DMXL2: variants seen among roughly 807,000 people sequenced by gnomAD.
DMXL2 encodes dmX-like protein 2.
DMXL2 carries 103 observed loss-of-function variants against 331.1 expected under a neutral mutation model. The ratio of observed to expected loss-of-function variants is 0.31; its 90% confidence interval spans 0.27 to 0.37. The LOEUF (loss-of-function observed/expected upper bound fraction) is 0.37, where lower values mean the gene tolerates loss of function less well. DMXL2 is among the 10% of genes least tolerant of loss of function. DMXL2 has a pLI of 1.00. For missense variants in DMXL2, 3,171 were observed against 3,642.9 expected, an observed-to-expected ratio of 0.87 and a Z score of 3.33; for synonymous variants, 1,281 against 1,252.1, an observed-to-expected ratio of 1.02 and a Z score of -0.49.
At chr15:51,582,989 T>C (rs923145318) in intron 1 of DMXL2, among the ~76,000 whole-genome samples, 1 of 152,012 alleles carries the variant, frequency 6.6e-6, no homozygotes, top group Non-Finnish European at 1.5e-5. Context: ...TTTATATATC[T>C]TCTTTTAACA....
Position 51,459,658 on chromosome 15 carries a change from A to G in DMXL2, c.7929T>C (p.Ser2643=). ...IFTKKRKQSE[S]IEEHVEQVNQ... ...TGACCTGCTCCACATGTTCTTCTAT[A>G]GACTAAATACCACCACACCGTCACA... The change falls in exon 34 of 44, where the codon TCT becomes TCC. Residue 2643 remains serine, a splice_region_variant and synonymous_variant. Coordinates refer to ENST00000560891, the MANE Select transcript of DMXL2 (RefSeq NM_001378457.1). 1.6e-6 allele frequency: 2 copies of G among 1,289,806 alleles called. No homozygotes were observed. The highest frequency in any genetic ancestry group is 2.5e-5 in the South Asian group (2 of 81,034). 79.9% of individuals were successfully genotyped at this position (1,289,806 alleles called of 1,614,324 possible).
At chr15:51,457,019 A>G (rs2039682636) in intron 37 of DMXL2, among the ~76,000 whole-genome samples, 1 of 152,128 alleles carries the variant, frequency 6.6e-6, no homozygotes, top group Non-Finnish European at 1.5e-5. Context: ...AAAAAATACA[A>G]AAATTAGCCA....
chr15:51,517,550 A>T (rs1156963905), intron 13 of DMXL2, among the ~76,000 whole-genome samples: 4 of 152,128 alleles, frequency 2.6e-5, no homozygotes, highest in African/African-American at 9.7e-5. Flanking sequence ...AAGAAGTGGG[A>T]CTCTTGTGCC....
chr15:51,455,061 G>C, intron 40 of DMXL2, 90 bp downstream of exon 40: 1 of 1,041,878 alleles, frequency 9.6e-7, no homozygotes, highest in Admixed American at 1.8e-5. Context: ...TTTCCCAATA[G>C]GACCACCAAT....
intron 11 of DMXL2, 125 bp downstream of exon 11, chr15:51,537,363 C>G: frequency 1.2e-6 from 1 of 839,216 alleles, no homozygotes; most frequent in Non-Finnish European, 1.8e-6. Flanking sequence ...AAGAAGTATT[C>G]TTTACTCAGA....
At chr15:51,549,085 T>G (rs915289474) in intron 6 of DMXL2, among the ~76,000 whole-genome samples, 5 of 152,072 alleles carry the variant, frequency 3.3e-5, no homozygotes, top group African/African-American at 4.8e-5. Flanking sequence ...CTGTACCCAA[T>G]TTGTAGTCTT....
intron 19 of DMXL2, among the ~76,000 whole-genome samples, chr15:51,493,724 A>G (rs1329717756): frequency 6.6e-6 from 1 of 152,192 alleles, no homozygotes; most frequent in East Asian, 1.9e-4. Flanking sequence ...AGACTGCCCT[A>G]GGAAATGTAC....
chr15:51,449,066 G>A lies in DMXL2; in HGVS notation c.9095C>T (p.Ser3032Phe), dbSNP rs2038906006. 1 of 1,614,188 alleles carries A rather than the reference G, an allele frequency of 6.2e-7. No homozygotes were observed. The stretch of plus-strand genomic sequence containing the variant: ...TTTCAGCGTGCCATCTGCACCACAG[G>A]AGAAGAGCCGATTGCCCTGGATGAT... The part of the protein sequence containing the change: ...IDIIQGNRLF[S>F]CGADGTLKTR... Residue 3032 changes from serine to phenylalanine, a missense_variant, in exon 44 of 44, where the codon TCC (serine) becomes TTC (phenylalanine). Around this residue, in one of 7 missense-constraint regions of DMXL2, gnomAD observed 766 missense variants for 940.5 expected, o/e 0.81. Transcript: ENST00000560891.
rs764104999 is a variant in DMXL2, at chr15:51,517,063, C to T, written c.2526+15G>A. On this transcript the variant is annotated intron_variant, in intron 14 of 43. Transcript: ENST00000560891. ...AAAGTATACGAATATCACCAATTCA[C>T]AAGCATGTTTTTACTTGGTTGGTTA... The T allele has an allele frequency of 1.1e-5, 17 of 1,604,756 alleles. No homozygotes were observed. The Admixed American group carries it at 1.7e-4, about 16-fold the overall frequency.
At chr15:51,536,936 T>C (rs2048321463) in intron 11 of DMXL2, 74 bp from the exon 12 acceptor site, 1 of 1,260,424 alleles carries the variant, frequency 7.9e-7, no homozygotes, top group East Asian at 2.4e-5. Context: ...ATTCTCAAAA[T>C]ACCAAATCTC....
chr15:51,608,921 G>A (rs995373603), intron 1 of DMXL2, among the ~76,000 whole-genome samples: 1 of 152,154 alleles, frequency 6.6e-6, no homozygotes, highest in Non-Finnish European at 1.5e-5. Flanking sequence ...TAACATATGG[G>A]TAAATCTAAG....
rs1285543384 is a variant in DMXL2, at chr15:51,502,910, T to C, written c.2888A>G (p.Asn963Ser). The C allele has an allele frequency of 5.0e-6, 8 of 1,614,128 alleles. No homozygotes were observed. Among genetic ancestry groups the C allele is most frequent in the Admixed American group, 1.7e-5 (1 of 60,022 alleles). Reference sequence around the variant, plus strand: ...AATAAGTTTACTGGCAGTTTGAAGATTGGCAATTGATGAAGAATGTGGCAT... The same window carrying C: ...AATAAGTTTACTGGCAGTTTGAAGACTGGCAATTGATGAAGAATGTGGCAT... ...SPMPHSSSIA[N>S]LQTASKLILS... is the part of the protein sequence containing the mutation. Residue 963 changes from asparagine to serine, a missense_variant, in exon 17 of 44, where the codon AAT (asparagine) becomes AGT (serine). Physicochemically the swap from Asn to Ser is conservative, Grantham distance 46. Transcript: ENST00000560891.
chr15:51,480,851 A>G lies in DMXL2; in HGVS notation c.6255T>C (p.His2085=). 6.2e-7 allele frequency: 1 copy of G among 1,613,066 alleles called. No individual in the cohort carries two copies. Among genetic ancestry groups the G allele is most frequent in the South Asian group, 1.1e-5 (1 of 90,878 alleles). Residue 2085 remains histidine, a synonymous_variant, in exon 24 of 44, where the codon CAT becomes CAC. Transcript: ENST00000560891. ...NWLEKEIAAL[H]EICNHESVIK... is the part of the protein sequence containing the mutation. ...TAACTGATTCATGATTACATATCTC[A>G]TGCAAGGCAGCAATTTCCTTTTCAA... is the stretch of plus-strand genomic sequence containing the variant.
chr15:51,516,516 C>T (rs900362398), intron 14 of DMXL2, among the ~76,000 whole-genome samples: 12 of 152,218 alleles, frequency 7.9e-5, no homozygotes, highest in African/African-American at 2.7e-4. Flanking sequence ...CACAACCCGA[C>T]CCTTCTATGC....
chr15:51,581,969 T>C (rs777018659), intron 1 of DMXL2, among the ~76,000 whole-genome samples: 1 of 152,162 alleles, frequency 6.6e-6, no homozygotes, highest in Non-Finnish European at 1.5e-5. Context: ...TTACCAAGAA[T>C]ACTATATCAA....
Position 51,507,216 on chromosome 15 carries a change from T to G in DMXL2, c.2682A>C (p.Leu894=). ...RPPPFSEKFF[L]VVIEKDSNNN... is the part of the protein sequence containing the mutation. ...TATTGCTGTCCTTCTCAATTACTAC[T>G]AGAAAGAACTTTTCTGAAAATGGTG... Residue 894 remains leucine (L), a synonymous_variant, in exon 16 of 44, where the codon CTA becomes CTC. Transcript: ENST00000560891. 1 of 1,611,240 alleles carries G rather than the reference T, an allele frequency of 6.2e-7. No homozygotes were observed. The highest frequency in any genetic ancestry group is 8.5e-7 in the Non-Finnish European group (1 of 1,178,454).
chr15:51,622,745 C>A lies in DMXL2; in HGVS notation c.-200G>T. The A allele has an allele frequency of 9.9e-7, 1 of 1,005,204 alleles. No individual in the cohort carries two copies. Among genetic ancestry groups the A allele is most frequent in the Non-Finnish European group, 1.4e-6 (1 of 718,648 alleles). 62.3% of individuals were successfully genotyped at this position (1,005,204 alleles called of 1,614,324 possible). On this transcript the variant is annotated 5_prime_UTR_variant, in exon 1 of 44. Transcript: ENST00000560891. ...GGGAGCTCCTCGACCGCCGCCGCCG[C>A]CCGGGTCGCCGCTCAGCTGCGGAAA...
chr15:51,606,350 C>T (rs746971577), intron 1 of DMXL2, among the ~76,000 whole-genome samples: 5 of 151,868 alleles, frequency 3.3e-5, no homozygotes, highest in Admixed American at 6.6e-5. Context: ...TGGGACGACG[C>T]TATGCCCAGC....
At chr15:51,534,064 AGAC>A (rs2048149578) in intron 13 of DMXL2, among the ~76,000 whole-genome samples, 1 of 152,202 alleles carries the variant, frequency 6.6e-6, no homozygotes, top group Admixed American at 6.5e-5. Context: ...AGAATGGAGA[AGAC>A]AAGGTTTAGC....
Sources: gnomAD v4.1 joint callset for allele counts (sites outside exome capture counted in the v4.1 genomes callset) on GRCh38, gnomAD v4.1.1 for gene constraint, gnomAD v4.1.1 regional missense constraint, MANE v1.5 for transcripts, NCBI Gene and HGNC (gene_info 2026-07-23, HGNC 2026-07-21) for gene names.